PSME4: variants seen among roughly 807,000 people sequenced by gnomAD.
The protein encoded by PSME4 is proteasome activator subunit 4.
Under a neutral mutation model 253.9 loss-of-function variants are expected in PSME4, and 89 were observed. That is an observed-to-expected ratio of 0.35 (90% CI 0.30 to 0.42). PSME4 has a LOEUF of 0.42. Ranked by LOEUF, PSME4 falls within the 10% of genes least tolerant of loss-of-function variation. PSME4 has a pLI of 1.00. For missense variants in PSME4, 2,014 were observed against 2,195.2 expected, an observed-to-expected ratio of 0.92 and a Z score of 1.65; for synonymous variants, 851 against 759.2, an observed-to-expected ratio of 1.12 and a Z score of -1.99.
intron 41 of PSME4, among the ~76,000 whole-genome samples, chr2:53,881,807 C>T (rs1679403750): frequency 6.6e-6 from 1 of 152,104 alleles, no homozygotes; most frequent in African/African-American, 2.4e-5. Flanking sequence ...TGGTCTCAAA[C>T]TCCCGATCTC....
chr2:53,916,271 T>C lies in PSME4; in HGVS notation c.2516+2880A>G, dbSNP rs188889934. On this transcript the variant is annotated intron_variant, in intron 20 of 46. Coordinates refer to ENST00000404125, the MANE Select transcript of PSME4 (RefSeq NM_014614.3). ...AAAAAAAAAAAAAAAATCTTATGAA[T>C]TGCTATGTGCGTCTAAAAACTGGTC... is the stretch of plus-strand genomic sequence containing the variant. 1.9e-3 allele frequency among the ~76,000 whole-genome samples: 281 copies of C among 149,556 alleles called. 9 individuals carry two copies. In the East Asian group the frequency reaches 0.046, roughly 24 times the overall value.
intron 3 of PSME4, among the ~76,000 whole-genome samples, chr2:53,941,730 A>C (rs1219615425): frequency 6.6e-6 from 1 of 152,102 alleles, no homozygotes; most frequent in African/African-American, 2.4e-5. Context: ...TTTAAAAGGT[A>C]ATTCTAAAAT....
chr2:53,942,948 T>G (rs1044513060), intron 3 of PSME4, among the ~76,000 whole-genome samples: 10 of 152,192 alleles, frequency 6.6e-5, no homozygotes, highest in Admixed American at 5.2e-4. Context: ...CTCGATTTCC[T>G]TATGATGCCA....
At chr2:53,873,238 C>CAAAAAAAAAAAAAAAAAAAAAAAAAAAA (rs60203960) in intron 43 of PSME4, among the ~76,000 whole-genome samples, 2 of 123,152 alleles carry the variant, frequency 1.6e-5, no homozygotes, top group African/African-American at 3.4e-5. Flanking sequence ...GACTCCGTCT[C>CAAAAAAAAAAAAAAAAAAAAAAAAAAAA]AAAAAAAAAG....
chr2:53,864,179 C>A lies in PSME4; in HGVS notation c.*1399G>T, dbSNP rs1678461470. 2 of 152,110 alleles carry A rather than the reference C, an allele frequency of 1.3e-5. No homozygotes were observed. 9.4% of individuals were successfully genotyped at this position (152,110 alleles called of 1,614,324 possible). ...GTATGCCGACACTTAAATACTGTAC[C>A]AGGACCACTGCTGTGCTTAGGTCTG... On this transcript the variant is annotated 3_prime_UTR_variant, in exon 47 of 47. Coordinates refer to ENST00000404125, the MANE Select transcript of PSME4 (RefSeq NM_014614.3).
At chr2:53,918,754 A>T (rs1395627350) in intron 20 of PSME4, among the ~76,000 whole-genome samples, 1 of 152,240 alleles carries the variant, frequency 6.6e-6, no homozygotes. Flanking sequence ...ATCATAATGA[A>T]TAAGATTGAA....
chr2:53,877,437 A>C (rs1573198746), intron 41 of PSME4, among the ~76,000 whole-genome samples: 1 of 152,048 alleles, frequency 6.6e-6, no homozygotes, highest in African/African-American at 2.4e-5. Context: ...AAGTTTGCTA[A>C]GGGAAATTAT....
intron 29 of PSME4, among the ~76,000 whole-genome samples, chr2:53,899,079 T>G (rs1243510573): frequency 6.6e-6 from 1 of 152,134 alleles, no homozygotes; most frequent in Admixed American, 6.5e-5. Flanking sequence ...TTGTTTTGTT[T>G]ATTTGAGACA....
intron 28 of PSME4, among the ~76,000 whole-genome samples, chr2:53,901,085 A>G (rs897902411): frequency 6.6e-6 from 1 of 152,192 alleles, no homozygotes; most frequent in Admixed American, 6.5e-5. Flanking sequence ...CACACACAAA[A>G]TAAGGGTAAA....
At chr2:53,953,768 A>G (rs1260031201) in intron 1 of PSME4, among the ~76,000 whole-genome samples, 1 of 152,116 alleles carries the variant, frequency 6.6e-6, no homozygotes, top group Non-Finnish European at 1.5e-5. Context: ...TTTCCAGTTA[A>G]TTTTCACATT....
chr2:53,888,645 C>T (rs1001016840), intron 38 of PSME4, 76 bp downstream of exon 38: 6 of 998,344 alleles, frequency 6.0e-6, no homozygotes, highest in Non-Finnish European at 9.4e-6. Flanking sequence ...CAAGTATAGA[C>T]CATTCATTTC....
intron 46 of PSME4, 93 bp downstream of exon 46, chr2:53,865,992 G>T: frequency 7.9e-7 from 1 of 1,269,228 alleles, no homozygotes; most frequent in Non-Finnish European, 1.1e-6. Flanking sequence ...TCTAAACACT[G>T]ACATCTAAGA....
At chr2:53,913,873 T>A (rs929212268) in intron 20 of PSME4, among the ~76,000 whole-genome samples, 1 of 152,214 alleles carries the variant, frequency 6.6e-6, no homozygotes, top group African/African-American at 2.4e-5. Context: ...TTACTCACCG[T>A]GGAGTAGTAA....
At chr2:53,866,909 AAT>A (rs747317030) in intron 44 of PSME4, 29 bp from the exon 45 acceptor site, 8 of 1,606,052 alleles carry the variant, frequency 5.0e-6, no homozygotes, top group African/African-American at 1.3e-5. Context: ...CATTTGTGCA[AAT>A]ATATATATGT....
At position 53,906,612 on chromosome 2, in the gene PSME4, T is replaced by C. The variant is rs1680671205; in HGVS notation, c.2929A>G (p.Ser977Gly). 7 of 1,591,740 alleles carry C rather than the reference T, an allele frequency of 4.4e-6. No individual in the cohort carries two copies. Among genetic ancestry groups the C allele is most frequent in the Non-Finnish European group, 6.0e-6 (7 of 1,170,568 alleles). Residue 977 changes from serine to glycine, a missense_variant, in exon 26 of 47, where the codon AGT (serine) becomes GGT (glycine). Physicochemically the swap from Ser to Gly is moderately conservative, Grantham distance 56. Around this residue, in one of 4 missense-constraint regions of PSME4, gnomAD observed 989 missense variants for 1,021.1 expected, o/e 0.97. Transcript: ENST00000404125. Reference protein sequence around the residue: ...MIRDLLRLSTSSYSQVRNKAQ... With the variant: ...MIRDLLRLSTGSYSQVRNKAQ... ...ATAAGCCTTACCTGACTGTATGAAC[T>C]TGTAGATAAACGAAGAAGATCTCTG...
chr2:53,952,426 C>T (rs1670042677), intron 1 of PSME4, among the ~76,000 whole-genome samples: 2 of 152,140 alleles, frequency 1.3e-5, no homozygotes, highest in Admixed American at 1.3e-4. Flanking sequence ...CCTCTAATCC[C>T]AGCTACTCGG....
In PSME4 at chr2:53,900,035, A is replaced by G; in HGVS notation, c.3286-18T>C. ...TTTGGAATCTTGTTAAAAAGAAAAA[A>G]GCAGGAAAAAAAATGAAGTTCTGAT... On this transcript the variant is annotated intron_variant, in intron 28 of 46. Coordinates refer to ENST00000404125, the MANE Select transcript of PSME4 (RefSeq NM_014614.3). 5 of 1,606,348 alleles carry G rather than the reference A, an allele frequency of 3.1e-6. No individual in the cohort carries two copies. Among genetic ancestry groups the G allele is most frequent in the Non-Finnish European group, 4.2e-6 (5 of 1,177,138 alleles).
Position 53,928,491 on chromosome 2 carries a change from T to C in PSME4, c.1317-188A>G, listed in dbSNP as rs1668673257. Among the ~76,000 whole-genome samples, 1 of 150,314 alleles carries C rather than the reference T, an allele frequency of 6.7e-6. No homozygotes were observed. Among genetic ancestry groups the C allele is most frequent in the East Asian group, 2.0e-4 (1 of 5,078 alleles). ...GCCCCGTTATCTGTAGTTTCCGTAG[T>C]TTCAGTTAACAAAGGTTAACCAAAT... On this transcript the variant is annotated intron_variant, in intron 10 of 46. Transcript: ENST00000404125.
chr2:53,934,643 C>T lies in PSME4; in HGVS notation c.919G>A (p.Asp307Asn). 2.5e-6 allele frequency: 4 copies of T among 1,612,882 alleles called. No individual in the cohort carries two copies. The highest frequency in any genetic ancestry group is 3.4e-6 in the Non-Finnish European group (4 of 1,179,106). ...LVPRFLTNAY[D>N]IGHAVIWITA... is the part of the protein sequence containing the mutation. ...ATCCATATTACAGCATGTCCTATAT[C>T]ATAAGCATTTGTTAAAAATCTTGGG... The change falls in exon 8 of 47, where the codon GAT (aspartate) becomes AAT (asparagine). Residue 307 changes from aspartate to asparagine, a missense_variant. By Grantham distance (23) the Asp-to-Asn change is conservative. This residue lies in a region of PSME4 where 615 missense variants were observed against 594.4 expected (regional missense o/e 1.03). Transcript: ENST00000404125.
Sources: allele counts gnomAD v4.1 joint callset (sites outside exome capture counted in the v4.1 genomes callset), GRCh38; gene constraint gnomAD v4.1.1; regional missense constraint gnomAD v4.1.1; transcripts MANE v1.5; gene names NCBI Gene and HGNC (gene_info 2026-07-23, HGNC 2026-07-21).